The following HIP1 variants were observed in gnomAD, a reference collection of about 807,000 sequenced individuals.
HIP1 encodes the protein huntingtin-interacting protein 1.
Under a neutral mutation model 147.6 loss-of-function variants are expected in HIP1, and 65 were observed. The ratio of observed to expected loss-of-function variants is 0.44; its 90% CI spans 0.36 to 0.54. The LOEUF (loss-of-function observed/expected upper bound fraction) is 0.54. Ranked by LOEUF, HIP1 falls within the 20% of genes least tolerant of loss-of-function variation. The pLI is 0.00. For missense variants in HIP1, 1,061 were observed against 1,299.6 expected, an observed-to-expected ratio of 0.82 and a Z score of 2.82; for synonymous variants, 479 against 504.0, an observed-to-expected ratio of 0.95 and a Z score of 0.67.
chr7:75,600,025 G>A (rs928338685), intron 1 of HIP1, among the ~76,000 whole-genome samples: 4 of 151,700 alleles, frequency 2.6e-5, no homozygotes, highest in Non-Finnish European at 4.4e-5. Flanking sequence ...TAGTAGAGAC[G>A]TGGTTTCACC....
chr7:75,572,422 G>T (rs1412693406), intron 8 of HIP1, among the ~76,000 whole-genome samples: 1 of 152,054 alleles, frequency 6.6e-6, no homozygotes, highest in Non-Finnish European at 1.5e-5. Flanking sequence ...AAATGGTCTG[G>T]AAATCATTAT....
At chr7:75,616,085 CAAA>C (rs71098042) in intron 1 of HIP1, among the ~76,000 whole-genome samples, 73 of 35,306 alleles carry the variant, frequency 2.1e-3, no homozygotes, top group African/African-American at 7.4e-3. Flanking sequence ...GACTCTGTCT[CAAA>C]AAAAAAAAAA....
chr7:75,589,706 A>C (rs1796419497), intron 4 of HIP1, among the ~76,000 whole-genome samples: 4 of 117,634 alleles, frequency 3.4e-5, no homozygotes, highest in Admixed American at 8.9e-5. Context: ...AAAAAAAAAA[A>C]AAAAAAAAAG....
intron 17 of HIP1, among the ~76,000 whole-genome samples, 180 bp downstream of exon 17, chr7:75,556,525 AAATAC>A (rs1262638488): frequency 6.6e-6 from 1 of 152,048 alleles, no homozygotes; most frequent in Non-Finnish European, 1.5e-5. Flanking sequence ...CTACCAAAGA[AAATAC>A]AAAAACTAGC....
intron 1 of HIP1, among the ~76,000 whole-genome samples, chr7:75,664,208 GTA>G (rs1181117374): frequency 9.1e-6 from 1 of 110,106 alleles, no homozygotes; most frequent in Non-Finnish European, 1.9e-5. Flanking sequence ...ATATACATAT[GTA>G]TATATACATA....
intron 16 of HIP1, 107 bp from the exon 17 acceptor site, chr7:75,556,918 T>G (rs1467111399): frequency 2.9e-6 from 2 of 700,228 alleles, no homozygotes; most frequent in Admixed American, 4.8e-5. Context: ...TAAACTCTAC[T>G]GTATGTAAGT....
chr7:75,546,183 A>G (rs782746009), intron 25 of HIP1, among the ~76,000 whole-genome samples: 1 of 151,186 alleles, frequency 6.6e-6, no homozygotes, highest in Non-Finnish European at 1.5e-5. Flanking sequence ...CAAAAAAAGG[A>G]GACTACACAG....
In HIP1 at chr7:75,714,721, G is replaced by C. The variant is rs1554520423; in HGVS notation, c.120+24080C>G. ...ACCTGCCTCGGCCTCCCAAAGTGCT[G>C]GGATTACAGGTGTGAGCCACCGTGC... On this transcript the variant is annotated intron_variant, in intron 1 of 30. Transcript: ENST00000336926. 2.0e-5 allele frequency among the ~76,000 whole-genome samples: 3 copies of C among 152,116 alleles called. No individual in the cohort carries two copies. The South Asian group carries it at 6.2e-4, about 32-fold the overall frequency.
chr7:75,713,621 G>A (rs1554520283), intron 1 of HIP1, among the ~76,000 whole-genome samples: 1 of 152,070 alleles, frequency 6.6e-6, no homozygotes, highest in African/African-American at 2.4e-5. Context: ...TGGGTCTCTA[G>A]AGTCCCCAGG....
intron 7 of HIP1, among the ~76,000 whole-genome samples, chr7:75,579,897 A>G (rs2116916951): frequency 6.6e-6 from 1 of 152,188 alleles, no homozygotes; most frequent in East Asian, 1.9e-4. Flanking sequence ...TCAGAGTTGG[A>G]TGCTTGTCAT....
Position 75,556,187 on chromosome 7 carries a change from A to G in HIP1, c.1684-18T>C. On this transcript the variant is annotated intron_variant, in intron 17 of 30. Transcript: ENST00000336926. ...GCTTCTGACTGCAAAGGTGACCACA[A>G]GGAAAGAGGGAGACGCTGGTTGAGT... is the stretch of plus-strand genomic sequence containing the variant. 3 of 1,613,192 alleles carry G rather than the reference A, an allele frequency of 1.9e-6. No homozygotes were observed. The highest frequency in any genetic ancestry group is 2.5e-6 in the Non-Finnish European group (3 of 1,179,644).
In HIP1 at chr7:75,703,930, G is replaced by A. The variant is rs151177765; in HGVS notation, c.120+34871C>T. ...AGCTCCTGGCCAGAGCTGCCGACCCGAAGCCTTTGGTGAAGAGTCTAGGGA... is the reference window on the plus strand; with the variant it reads ...AGCTCCTGGCCAGAGCTGCCGACCCAAAGCCTTTGGTGAAGAGTCTAGGGA... On this transcript the variant is annotated intron_variant, in intron 1 of 30. Coordinates refer to ENST00000336926, the MANE Select transcript of HIP1 (RefSeq NM_005338.7). 3.3e-3 allele frequency among the ~76,000 whole-genome samples: 496 copies of A among 152,230 alleles called. 4 individuals are homozygous for A. The highest frequency in any genetic ancestry group is 5.2e-3 in the Non-Finnish European group (354 of 68,020).
chr7:75,700,852 C>A (rs1554519127), intron 1 of HIP1, among the ~76,000 whole-genome samples: 1 of 151,900 alleles, frequency 6.6e-6, no homozygotes, highest in African/African-American at 2.4e-5. Context: ...ACTACAGGCA[C>A]CCGCCACCAC....
In HIP1 at chr7:75,547,601, T is replaced by C. The variant is rs150159856; in HGVS notation, c.2465+154A>G. On this transcript the variant is annotated intron_variant, in intron 24 of 30. Transcript: ENST00000336926. ...TAGTGAAACAGCAATATTGCTGTCA[T>C]CATTAATACTGTTATTGATGATTAC... Among the ~76,000 whole-genome samples, 629 of 152,196 alleles carry C rather than the reference T, an allele frequency of 4.1e-3. 6 individuals carry two copies. The highest frequency in any genetic ancestry group is 0.015 in the African/African-American group (604 of 41,538).
At chr7:75,650,453 C>CTTTTTTTTTTTTTTTTT (rs782108312) in intron 1 of HIP1, among the ~76,000 whole-genome samples, 6 of 126,532 alleles carry the variant, frequency 4.7e-5, no homozygotes, top group East Asian at 2.4e-4. Flanking sequence ...GCCCAGTTAT[C>CTTTTTTTTTTTTTTTTT]TTTTTTTTTT....
chr7:75,545,705 C>A (rs1197028822), intron 25 of HIP1, among the ~76,000 whole-genome samples: 1 of 151,874 alleles, frequency 6.6e-6, no homozygotes, highest in Non-Finnish European at 1.5e-5. Context: ...CAGCACTTTG[C>A]GAGGCCAAGG....
At chr7:75,573,050 C>T (rs1288726101) in intron 8 of HIP1, among the ~76,000 whole-genome samples, 2 of 152,192 alleles carry the variant, frequency 1.3e-5, no homozygotes, top group Non-Finnish European at 2.9e-5. Context: ...GGCGGGTCCC[C>T]GGTGGGGGCC....
At chr7:75,638,315 C>T (rs1798513459) in intron 1 of HIP1, among the ~76,000 whole-genome samples, 1 of 151,968 alleles carries the variant, frequency 6.6e-6, no homozygotes, top group Non-Finnish European at 1.5e-5. Context: ...CTGGTACCGG[C>T]TGAAGGCTGC....
intron 1 of HIP1, among the ~76,000 whole-genome samples, chr7:75,681,513 T>G (rs1460911918): frequency 6.8e-5 from 10 of 148,032 alleles, no homozygotes; most frequent in Non-Finnish European, 1.2e-4. Flanking sequence ...TTTTTTTTTT[T>G]TTTTTTTTTT....
Sources: allele counts gnomAD v4.1 joint callset (sites outside exome capture counted in the v4.1 genomes callset), GRCh38; gene constraint gnomAD v4.1.1; transcripts MANE v1.5; gene names NCBI Gene and HGNC (gene_info 2026-07-23, HGNC 2026-07-21).